Variants in CCAR1 observed in about 807,000 individuals in gnomAD.
CCAR1 encodes cell division cycle and apoptosis regulator protein 1.
In CCAR1, 78 loss-of-function variants were observed where a neutral mutation model predicts 163.8. The ratio of observed to expected loss-of-function variants is 0.48; its 90% CI spans 0.40 to 0.57. CCAR1 has a LOEUF of 0.57. CCAR1 is among the 20% of genes least tolerant of loss of function. CCAR1 has a pLI of 0.00. For synonymous variants in CCAR1, 443 were observed against 460.7 expected, an observed-to-expected ratio of 0.96 and a Z score of 0.49; for missense variants, 1,019 against 1,365.2, an observed-to-expected ratio of 0.75 and a Z score of 4.00.
At chr10:68,744,917 G>A (rs1052705642) in intron 6 of CCAR1, among the ~76,000 whole-genome samples, 3 of 151,118 alleles carry the variant, frequency 2.0e-5, no homozygotes, top group Admixed American at 6.6e-5. Context: ...ATAGTGAACT[G>A]CAAAGTTGAA....
intron 16 of CCAR1, among the ~76,000 whole-genome samples, chr10:68,761,547 C>G (rs779940085): frequency 6.6e-6 from 1 of 151,980 alleles, no homozygotes; most frequent in South Asian, 2.1e-4. Flanking sequence ...CCTTGTGATT[C>G]GCCTGCCTCA....
chr10:68,727,684 C>T (rs2055968934), intron 2 of CCAR1, among the ~76,000 whole-genome samples: 1 of 152,122 alleles, frequency 6.6e-6, no homozygotes, highest in South Asian at 2.1e-4. Context: ...CAGTGACAGC[C>T]ATTCTAGGGA....
At position 68,747,691 on chromosome 10, in the gene CCAR1, A is replaced by G; in HGVS notation, c.826+125A>G. On this transcript the variant is annotated intron_variant, in intron 8 of 24. Coordinates refer to ENST00000265872, the MANE Select transcript of CCAR1 (RefSeq NM_018237.4). ...TTGAAGCCTAAAAATCCTGAATAGG[A>G]CACATCTACTTCCATAGCTATGTGG... is the stretch of plus-strand genomic sequence containing the variant. 4 of 756,054 alleles carry G rather than the reference A, an allele frequency of 5.3e-6. No homozygotes were observed. In the South Asian group the frequency reaches 7.4e-5, roughly 14 times the overall value. The allele number at this position is 756,054 out of a possible 1,614,324, so 46.8% of individuals were successfully genotyped here. A position where few individuals can be genotyped will look rare whatever the true frequency, so the allele number is the denominator to read the frequency against.
At chr10:68,739,188 T>G (rs1360239497) in intron 4 of CCAR1, among the ~76,000 whole-genome samples, 1 of 152,168 alleles carries the variant, frequency 6.6e-6, no homozygotes, top group Non-Finnish European at 1.5e-5. Flanking sequence ...TCATTTTTGT[T>G]GCCCAGGCTA....
rs1317882081 is a variant in CCAR1 at position 68,785,065 on chromosome 10, C to T, written c.2651-1071C>T. On this transcript the variant is annotated intron_variant, in intron 19 of 24. Coordinates refer to ENST00000265872, the MANE Select transcript of CCAR1 (RefSeq NM_018237.4). Reference sequence around the variant, plus strand: ...CCCGAGTAGCTGGGACTACAGACGCCGGCCACCATGCCAGGCTAATTTTTT... The same window carrying T: ...CCCGAGTAGCTGGGACTACAGACGCTGGCCACCATGCCAGGCTAATTTTTT... Among the ~76,000 whole-genome samples the T allele has an allele frequency of 4.6e-5, 7 of 151,404 alleles. No individual in the cohort carries two copies. In the South Asian group the frequency reaches 1.3e-3, roughly 27 times the overall value.
chr10:68,729,313 A>G (rs2055999084), intron 2 of CCAR1, among the ~76,000 whole-genome samples: 1 of 146,466 alleles, frequency 6.8e-6, no homozygotes, highest in African/African-American at 2.5e-5. Context: ...TCTGTCGCCC[A>G]TGCTGGAGTG....
At chr10:68,727,407 A>G (rs988164379) in intron 2 of CCAR1, among the ~76,000 whole-genome samples, 2 of 152,092 alleles carry the variant, frequency 1.3e-5, no homozygotes, top group Admixed American at 1.3e-4. Context: ...GGACGGTGAA[A>G]AAAATTTGTT....
At position 68,754,700 on chromosome 10, in the gene CCAR1, T is replaced by A; in HGVS notation, c.1345-14T>A. 1.5e-6 allele frequency: 2 copies of A among 1,361,480 alleles called. No homozygotes were observed. The highest frequency in any genetic ancestry group is 2.1e-6 in the Non-Finnish European group (2 of 958,770). The allele number at this position is 1,361,480 out of a possible 1,614,324, so 84.3% of individuals were successfully genotyped here. ...TTAGACTTTTGACAGGATTGAATTATTTGACTATAATAGGTAATGCTGATG... is the reference window on the plus strand; with the variant it reads ...TTAGACTTTTGACAGGATTGAATTAATTGACTATAATAGGTAATGCTGATG... On this transcript the variant is annotated splice_polypyrimidine_tract_variant and intron_variant, in intron 11 of 24. Coordinates refer to ENST00000265872, the MANE Select transcript of CCAR1 (RefSeq NM_018237.4).
chr10:68,791,361 A>AG lies in CCAR1; in HGVS notation c.*96dup, dbSNP rs1458016186. The AG allele has an allele frequency of 4.0e-5, 30 of 754,838 alleles. No individual in the cohort carries two copies. Among genetic ancestry groups the AG allele is most frequent in the Non-Finnish European group, 5.5e-5 (26 of 471,656 alleles). The allele number at this position is 754,838 out of a possible 1,614,324, so 46.8% of individuals were successfully genotyped here. A position where few individuals can be genotyped will look rare whatever the true frequency, so the allele number is the denominator to read the frequency against. On this transcript the variant is annotated 3_prime_UTR_variant, in exon 25 of 25. Transcript: ENST00000265872. ...TTGAAGGTGATGCATGTTTGATTTT[A>AG]GTAGTATAAATGTATTTTAGTTCAA... is the stretch of plus-strand genomic sequence containing the variant.
chr10:68,783,194 A>AT (rs1235095667), intron 19 of CCAR1, among the ~76,000 whole-genome samples: 3 of 150,312 alleles, frequency 2.0e-5, no homozygotes, highest in Non-Finnish European at 4.4e-5. Context: ...ATTTATTTTT[A>AT]TTTTTTATTT....
chr10:68,774,821 C>A, intron 19 of CCAR1: 2 of 319,730 alleles, frequency 6.3e-6, no homozygotes, highest in South Asian at 2.6e-5. Flanking sequence ...TAGACATCAA[C>A]GATCAAATAC....
In CCAR1 at chr10:68,749,542, A is replaced by G. The variant is rs1404279439; in HGVS notation, c.975A>G (p.Glu325=). Residue 325 remains glutamate (E), a synonymous_variant, in exon 10 of 25, where the codon GAA becomes GAG. Coordinates refer to ENST00000265872, the MANE Select transcript of CCAR1 (RefSeq NM_018237.4). ...CTTTCAGTCGTGAGAGAGAGAGAGA[A>G]AGACGTAGATCGAGAGAAAGATCAC... ...KDDRSRERER[E]RRRSRERSPQ... 1.2e-5 allele frequency: 19 copies of G among 1,612,696 alleles called. No homozygotes were observed. Among genetic ancestry groups the G allele is most frequent in the Non-Finnish European group, 1.6e-5 (19 of 1,179,392 alleles).
At chr10:68,741,546 C>A (rs893302102) in intron 5 of CCAR1, among the ~76,000 whole-genome samples, 8 of 152,118 alleles carry the variant, frequency 5.3e-5, no homozygotes, top group African/African-American at 1.9e-4. Context: ...GTTTGCTGAT[C>A]ACTGGTTAAT....
chr10:68,748,013 C>T (rs1564536393), intron 8 of CCAR1, among the ~76,000 whole-genome samples: 1 of 152,038 alleles, frequency 6.6e-6, no homozygotes, highest in Non-Finnish European at 1.5e-5. Flanking sequence ...GCCACCATGC[C>T]CGGCAAATTT....
intron 19 of CCAR1, among the ~76,000 whole-genome samples, chr10:68,777,898 C>G (rs1341595620): frequency 6.6e-6 from 1 of 151,992 alleles, no homozygotes; most frequent in Non-Finnish European, 1.5e-5. Context: ...CACCACTGCA[C>G]TCCAGCCTCG....
chr10:68,759,093 T>C (rs2056436804), intron 15 of CCAR1, among the ~76,000 whole-genome samples: 1 of 150,166 alleles, frequency 6.7e-6, no homozygotes, highest in Non-Finnish European at 1.5e-5. Context: ...CCAAGGATAC[T>C]GAATAGAAAA....
intron 8 of CCAR1, among the ~76,000 whole-genome samples, chr10:68,748,019 A>T (rs964115276): frequency 3.3e-5 from 5 of 151,982 alleles, no homozygotes; most frequent in African/African-American, 1.2e-4. Flanking sequence ...ATGCCCGGCA[A>T]ATTTTTGTAT....
At chr10:68,742,962 T>G (rs934512297) in intron 6 of CCAR1, among the ~76,000 whole-genome samples, 1 of 151,904 alleles carries the variant, frequency 6.6e-6, no homozygotes, top group Non-Finnish European at 1.5e-5. Context: ...AGACAGAGCC[T>G]CACTCGGTTG....
intron 19 of CCAR1, among the ~76,000 whole-genome samples, chr10:68,783,430 C>T (rs2056759612): frequency 1.3e-5 from 2 of 152,010 alleles, no homozygotes; most frequent in Non-Finnish European, 2.9e-5. Context: ...GCCTTGGCCT[C>T]CCAAAGTGCT....
Sources: gnomAD v4.1 joint callset for allele counts (sites outside exome capture counted in the v4.1 genomes callset) on GRCh38, gnomAD v4.1.1 for gene constraint, MANE v1.5 for transcripts, NCBI Gene and HGNC (gene_info 2026-07-23, HGNC 2026-07-21) for gene names.